The following EPHX2 variants were observed in gnomAD, a reference collection of about 807,000 sequenced individuals.
The protein encoded by EPHX2 is bifunctional epoxide hydrolase 2.
In EPHX2, 74 loss-of-function variants were observed where a neutral mutation model predicts 78.7. The observed-to-expected ratio is 0.94, with a 90% CI of 0.78 to 1.14. The LOEUF (loss-of-function observed/expected upper bound fraction) is 1.14. EPHX2 is among the 50% of genes most tolerant of loss of function. EPHX2 has a pLI of 0.00. For missense variants in EPHX2, 715 were observed against 702.5 expected, an observed-to-expected ratio of 1.02 and a Z score of -0.20; for synonymous variants, 251 against 255.2, an observed-to-expected ratio of 0.98 and a Z score of 0.16.
intron 5 of EPHX2, 88 bp downstream of exon 5, chr8:27,507,082 T>C (rs759798586): frequency 3.3e-6 from 5 of 1,516,344 alleles, no homozygotes; most frequent in Non-Finnish European, 4.5e-6. Context: ...GAAGCTGCTG[T>C]CCGTGGAGTC....
chr8:27,493,716 A>G (rs972839486), intron 1 of EPHX2, among the ~76,000 whole-genome samples: 1 of 152,174 alleles, frequency 6.6e-6, no homozygotes, highest in Admixed American at 6.5e-5. Context: ...AGGCAGATAT[A>G]GGTTGAAGTT....
chr8:27,506,867 C>T lies in EPHX2; in HGVS notation c.538-5C>T. 6.2e-7 allele frequency: 1 copy of T among 1,613,708 alleles called. No individual in the cohort carries two copies. Among genetic ancestry groups the T allele is most frequent in the African/African-American group, 1.3e-5 (1 of 74,996 alleles). On this transcript the variant is annotated splice_polypyrimidine_tract_variant and splice_region_variant and intron_variant, in intron 4 of 18. Transcript: ENST00000521400. Reference sequence around the variant, plus strand: ...TGAGATTCTCCCATGCTGTTTTGGGCTCAGGTCGTTTTTTTGGATGACATC... The same window carrying T: ...TGAGATTCTCCCATGCTGTTTTGGGTTCAGGTCGTTTTTTTGGATGACATC...
chr8:27,544,378 T>A, intron 18 of EPHX2, 66 bp from the exon 19 acceptor site: 1 of 1,601,988 alleles, frequency 6.2e-7, no homozygotes, highest in Non-Finnish European at 8.6e-7. Flanking sequence ...TGCCTTCGAG[T>A]TGGCTGGGTA....
At chr8:27,496,266 C>T (rs569792942) in intron 1 of EPHX2, among the ~76,000 whole-genome samples, 11 of 152,272 alleles carry the variant, frequency 7.2e-5, no homozygotes, top group African/African-American at 2.2e-4. Context: ...AACTGGTAAC[C>T]ATAAGTAAAT....
chr8:27,539,472 G>A lies in EPHX2; in HGVS notation c.1276+780G>A, dbSNP rs577294694. Among the ~76,000 whole-genome samples the A allele has an allele frequency of 3.3e-5, 5 of 152,320 alleles. No homozygotes were observed. In the South Asian group the frequency reaches 8.3e-4, roughly 25 times the overall value. On this transcript the variant is annotated intron_variant, in intron 14 of 18. Coordinates refer to ENST00000521400, the MANE Select transcript of EPHX2 (RefSeq NM_001979.6). ...AACTTGTCCGAAGTGGCTGAGCTGG[G>A]GTTAAACTCCTCTGACCCTGCAGGC... is the stretch of plus-strand genomic sequence containing the variant.
intron 4 of EPHX2, among the ~76,000 whole-genome samples, chr8:27,506,183 C>T (rs1226225018): frequency 6.6e-6 from 1 of 152,098 alleles, no homozygotes; most frequent in African/African-American, 2.4e-5. Flanking sequence ...TAACGGGGGT[C>T]TCACTATATT....
rs988056236 is a variant in EPHX2 at position 27,538,917 on chromosome 8, C to T, written c.1276+225C>T. 7.0e-6 allele frequency: 4 copies of T among 570,830 alleles called. No individual in the cohort carries two copies. The Admixed American group carries it at 9.1e-5, about 13-fold the overall frequency. The allele number at this position is 570,830 out of a possible 1,614,324, so 35.4% of individuals were successfully genotyped here. On this transcript the variant is annotated intron_variant, in intron 14 of 18. Coordinates refer to ENST00000521400, the MANE Select transcript of EPHX2 (RefSeq NM_001979.6). ...GGAGCTGTGGCTTCAAGATCTTAAG[C>T]AGTAAGAGCTTGGAGGAGTCTTAGA...
At position 27,544,517 on chromosome 8, in the gene EPHX2, A is replaced by C; in HGVS notation, c.1663A>C (p.Met555Leu). The C allele has an allele frequency of 6.2e-7, 1 of 1,613,588 alleles. No homozygotes were observed. Among genetic ancestry groups the C allele is most frequent in the Non-Finnish European group, 8.5e-7 (1 of 1,179,990 alleles). ...CCGGAACCCACCGGTGGTCTCAAAGATGTAGAACGCAGCGTGTGCCCACGC... is the reference window on the plus strand; with the variant it reads ...CCGGAACCCACCGGTGGTCTCAAAGCTGTAGAACGCAGCGTGTGCCCACGC... Reference protein sequence around the residue: ...DARNPPVVSKM With the variant: ...DARNPPVVSKL Residue 555 changes from methionine (M) to leucine (L), a missense_variant, in exon 19 of 19, where the codon ATG becomes CTG. Coordinates refer to ENST00000521400, the MANE Select transcript of EPHX2 (RefSeq NM_001979.6).
At chr8:27,511,665 G>C (rs747605370) in intron 5 of EPHX2, among the ~76,000 whole-genome samples, 171 bp from the exon 6 acceptor site, 16 of 152,198 alleles carry the variant, frequency 1.1e-4, no homozygotes, top group Admixed American at 3.3e-4. Context: ...AGGGAGAATG[G>C]AGTCTGGCTG....
At chr8:27,503,897 C>A in intron 3 of EPHX2, 134 bp downstream of exon 3, 2 of 1,148,456 alleles carry the variant, frequency 1.7e-6, no homozygotes, top group South Asian at 1.8e-5. Flanking sequence ...TTAAACATGG[C>A]CCCAAAGCAA....
chr8:27,515,907 C>G, intron 7 of EPHX2, 94 bp downstream of exon 7: 2 of 1,076,016 alleles, frequency 1.9e-6, no homozygotes, highest in South Asian at 1.3e-5. Flanking sequence ...GAAGCTGAAA[C>G]CTGACAGTGG....
At chr8:27,541,606 G>A in intron 16 of EPHX2, 64 bp downstream of exon 16, 1 of 1,564,058 alleles carries the variant, frequency 6.4e-7, no homozygotes, top group East Asian at 2.2e-5. Flanking sequence ...GCTTCCCATT[G>A]GCCTGAGCTG....
At chr8:27,492,415 A>G (rs1398031322) in intron 1 of EPHX2, among the ~76,000 whole-genome samples, 1 of 152,202 alleles carries the variant, frequency 6.6e-6, no homozygotes, top group Non-Finnish European at 1.5e-5. Flanking sequence ...AGGCTAAGGC[A>G]GAAGGATTGC....
At chr8:27,537,781 G>T (rs918413578) in intron 13 of EPHX2, among the ~76,000 whole-genome samples, 2 of 151,348 alleles carry the variant, frequency 1.3e-5, no homozygotes, top group African/African-American at 4.9e-5. Context: ...TCTCCCTCTC[G>T]CAAACTCTGT....
rs183260846 is a variant in EPHX2, at chr8:27,492,934, C to G, written c.101+1625C>G. 2.8e-3 allele frequency: 435 copies of G among 154,154 alleles called. 1 individual carries two copies. Among genetic ancestry groups the G allele is most frequent in the African/African-American group, 9.1e-3 (380 of 41,590 alleles). 9.5% of individuals were successfully genotyped at this position (154,154 alleles called of 1,614,324 possible). A position where few individuals can be genotyped will look rare whatever the true frequency, so the allele number is the denominator to read the frequency against. On this transcript the variant is annotated intron_variant, in intron 1 of 18. Coordinates refer to ENST00000521400, the MANE Select transcript of EPHX2 (RefSeq NM_001979.6). ...TACTGGGAACTGGGTGATGACCACT[C>G]TAGCTACTTCCTGCTGGATAGGGGC...
Position 27,543,840 on chromosome 8 carries a change from G to GAT in EPHX2, c.1530+11_1530+12insAT. On this transcript the variant is annotated intron_variant, in intron 17 of 18. Coordinates refer to ENST00000521400, the MANE Select transcript of EPHX2 (RefSeq NM_001979.6). ...CACATGGAGGACTGGGTGAGGGAAT[G>GAT]GCCCTGTACAAGGGTCATCAGTGCA... 3.1e-6 allele frequency: 5 copies of GAT among 1,614,118 alleles called. No individual in the cohort carries two copies. Among genetic ancestry groups the GAT allele is most frequent in the Non-Finnish European group, 4.2e-6 (5 of 1,179,990 alleles).
chr8:27,504,999 T>G lies in EPHX2; in HGVS notation c.390T>G (p.Arg130=). Residue 130 remains arginine (R), a synonymous_variant, in exon 4 of 19, where the codon CGT becomes CGG. Coordinates refer to ENST00000521400, the MANE Select transcript of EPHX2 (RefSeq NM_001979.6). ...TCACCAACACCTGGCTGGACGACCG[T>G]GCTGAGAGAGATGGCCTGGCCCAGC... The part of the protein sequence containing the change: ...AILTNTWLDD[R]AERDGLAQLM... 1 of 1,614,150 alleles carries G rather than the reference T, an allele frequency of 6.2e-7. No individual in the cohort carries two copies. The highest frequency in any genetic ancestry group is 8.5e-7 in the Non-Finnish European group (1 of 1,180,026).
chr8:27,542,334 G>T (rs1264333300), intron 16 of EPHX2, among the ~76,000 whole-genome samples: 2 of 152,112 alleles, frequency 1.3e-5, no homozygotes, highest in Non-Finnish European at 2.9e-5. Flanking sequence ...TCTAATCCCT[G>T]TGTGACCCTG....
intron 12 of EPHX2, among the ~76,000 whole-genome samples, chr8:27,528,541 T>G (rs1814925621): frequency 6.6e-6 from 1 of 152,180 alleles, no homozygotes; most frequent in Non-Finnish European, 1.5e-5. Context: ...TTCAAACAGG[T>G]AATAGCTTCA....
Sources: allele counts gnomAD v4.1 joint callset (sites outside exome capture counted in the v4.1 genomes callset), GRCh38; gene constraint gnomAD v4.1.1; transcripts MANE v1.5; gene names NCBI Gene and HGNC (gene_info 2026-07-23, HGNC 2026-07-21).